Variants in AMOTL1 observed in about 807,000 individuals in gnomAD.
AMOTL1 encodes the protein angiomotin-like protein 1.
Under a neutral mutation model 102.9 loss-of-function variants are expected in AMOTL1, and 45 were observed. The ratio of observed to expected loss-of-function variants is 0.44; its 90% CI spans 0.34 to 0.56. The LOEUF (loss-of-function observed/expected upper bound fraction) is 0.56. Among genes scored for constraint, AMOTL1 ranks in the 20% least tolerant of loss-of-function variants. The pLI is 0.01. For missense variants in AMOTL1, 1,114 were observed against 1,225.6 expected (o/e 0.91, Z 1.36); for synonymous variants, 481 against 484.7 (o/e 0.99, Z 0.10).
intron 1 of AMOTL1, among the ~76,000 whole-genome samples, chr11:94,712,575 C>A (rs554451954): frequency 1.3e-5 from 2 of 152,078 alleles, no homozygotes; most frequent in South Asian, 4.1e-4. Context: ...AAAATAGTTT[C>A]AAATTATGCA....
intron 7 of AMOTL1, 109 bp downstream of exon 7, chr11:94,850,368 G>A (rs958247326): frequency 2.3e-5 from 31 of 1,360,764 alleles, no homozygotes; most frequent in Non-Finnish European, 2.8e-5. Flanking sequence ...ATTCCAAGGA[G>A]TTGAGACAGG....
Position 94,778,962 on chromosome 11 carries a change from A to G in AMOTL1, c.49+10402A>G, listed in dbSNP as rs551749827. The stretch of plus-strand genomic sequence containing the variant: ...TTCCCAGAAATTGGATGGAAACTGC[A>G]TTGCCTTTTATGATTTAATTTTGGA... On this transcript the variant is annotated intron_variant, in intron 1 of 12. Transcript: ENST00000433060. 1.9e-3 allele frequency among the ~76,000 whole-genome samples: 293 copies of G among 152,290 alleles called. 2 individuals are homozygous for G. The highest frequency in any genetic ancestry group is 6.5e-3 in the African/African-American group (272 of 41,544).
intron 2 of AMOTL1, 148 bp downstream of exon 2, chr11:94,795,308 C>A (rs144547859): frequency 0.01 from 11,274 of 1,094,718 alleles, 111 homozygotes; most frequent in Admixed American, 0.017. Flanking sequence ...TTCATAGATG[C>A]CTTATTTTTA....
intron 1 of AMOTL1, among the ~76,000 whole-genome samples, chr11:94,770,372 A>G (rs1231376005): frequency 2.0e-5 from 3 of 152,140 alleles, no homozygotes; most frequent in Non-Finnish European, 4.4e-5. Context: ...AATGAAGGAA[A>G]ACACCGATTC....
At chr11:94,759,314 A>G (rs1950764157) in intron 3 of AMOTL1, among the ~76,000 whole-genome samples, 1 of 152,196 alleles carries the variant, frequency 6.6e-6, no homozygotes, top group Admixed American at 6.5e-5. Flanking sequence ...TTAAAAATAT[A>G]CACATAGGTG....
At position 94,831,509 on chromosome 11, in the gene AMOTL1, A is replaced by G; in HGVS notation, c.1616A>G (p.Asp539Gly). Reference protein sequence around the residue: ...LSSREYEGHEDKAAEGHYASQ... With the variant: ...LSSREYEGHEGKAAEGHYASQ... ...AGCAGGGAATACGAAGGGCATGAAG[A>G]CAAAGCTGCAGAGGGGCATTATGCT... Residue 539 changes from aspartate (D) to glycine (G), a missense_variant, in exon 6 of 13, where the codon GAC becomes GGC. By Grantham distance (94) the Asp-to-Gly change is moderately conservative. Transcript: ENST00000433060. 6.2e-7 allele frequency: 1 copy of G among 1,613,992 alleles called. No individual in the cohort carries two copies. The highest frequency in any genetic ancestry group is 1.1e-5 in the South Asian group (1 of 91,076).
At position 94,869,557 on chromosome 11, in the gene AMOTL1, A is replaced by G. The variant is rs550792658; in HGVS notation, c.2764+84A>G. On this transcript the variant is annotated intron_variant, in intron 12 of 12. Coordinates refer to ENST00000433060, the MANE Select transcript of AMOTL1 (RefSeq NM_130847.3). ...GAATCTTTTGTTGAGCTAGAGAGGA[A>G]GCAGGGGCACCCATCAGCTCTTACT... The G allele has an allele frequency of 4.2e-6, 6 of 1,442,960 alleles. No individual in the cohort carries two copies. In the African/African-American group the frequency reaches 8.5e-5, roughly 20 times the overall value. The allele number at this position is 1,442,960 out of a possible 1,614,324, so 89.4% of individuals were successfully genotyped here.
intron 3 of AMOTL1, among the ~76,000 whole-genome samples, chr11:94,741,647 G>A (rs1950528949): frequency 6.6e-6 from 1 of 152,064 alleles, no homozygotes; most frequent in South Asian, 2.1e-4. Context: ...GTGAAGAGAA[G>A]GAAATGCGAA....
intron 5 of AMOTL1, among the ~76,000 whole-genome samples, chr11:94,831,200 A>G (rs748230572): frequency 6.6e-6 from 1 of 151,964 alleles, no homozygotes; most frequent in Non-Finnish European, 1.5e-5. Context: ...TTTTCTCAGC[A>G]CCTCTCCCTA....
upstream of AMOTL1, among the ~76,000 whole-genome samples, chr11:94,764,526 T>C (rs1950832249): frequency 6.6e-6 from 1 of 152,194 alleles, no homozygotes; most frequent in Non-Finnish European, 1.5e-5. Context: ...TCAACAGTCA[T>C]TAATGGAGAA....
chr11:94,792,682 G>C (rs1271889368), intron 1 of AMOTL1, among the ~76,000 whole-genome samples: 3 of 152,216 alleles, frequency 2.0e-5, no homozygotes, highest in Non-Finnish European at 4.4e-5. Context: ...GACCCTGGGT[G>C]TGTGTGAAGA....
At chr11:94,727,967 G>A (rs1027463750) in intron 1 of AMOTL1, among the ~76,000 whole-genome samples, 4 of 152,182 alleles carry the variant, frequency 2.6e-5, no homozygotes, top group Admixed American at 6.5e-5. Flanking sequence ...GCAGGAACCC[G>A]CAGGGCAACT....
chr11:94,746,039 A>G lies in AMOTL1; in HGVS notation c.136+5051A>G, dbSNP rs146381142. On this transcript the variant is annotated intron_variant, in intron 3 of 4. Coordinates refer to the AMOTL1 transcript ENST00000299004. ...TGATTGATAGTCCATTCCACCTTTG[A>G]ATTTTTATATCAGTCTGCAAATGAA... is the stretch of plus-strand genomic sequence containing the variant. Among the ~76,000 whole-genome samples, 581 of 151,668 alleles carry G rather than the reference A, an allele frequency of 3.8e-3. 9 individuals are homozygous for G. The highest frequency in any genetic ancestry group is 0.013 in the African/African-American group (558 of 41,426).
rs1269076498 is a variant in AMOTL1, at chr11:94,799,122, G to A, written c.200-268G>A. Among the ~76,000 whole-genome samples the A allele has an allele frequency of 6.6e-6, 1 of 152,060 alleles. No homozygotes were observed. Among genetic ancestry groups the A allele is most frequent in the Non-Finnish European group, 1.5e-5 (1 of 68,004 alleles). Reference sequence around the variant, plus strand: ...TTTATGTGATGAAGAGAAAGGACCGGTGGGGAGATTAGAGAAAAGGGAGGG... The same window carrying A: ...TTTATGTGATGAAGAGAAAGGACCGATGGGGAGATTAGAGAAAAGGGAGGG... On this transcript the variant is annotated intron_variant, in intron 2 of 12. Coordinates refer to ENST00000433060, the MANE Select transcript of AMOTL1 (RefSeq NM_130847.3). This position sits in a 1 kb window ranked among gnomAD's most constrained non-coding sequence, Gnocchi z 4.5.
chr11:94,802,380 G>A (rs938070178), intron 3 of AMOTL1, among the ~76,000 whole-genome samples: 1 of 152,122 alleles, frequency 6.6e-6, no homozygotes, highest in Non-Finnish European at 1.5e-5. Context: ...CTTGATAGAG[G>A]GGAAGCTATC....
chr11:94,841,412 A>G (rs1952299838), intron 6 of AMOTL1, among the ~76,000 whole-genome samples: 1 of 152,166 alleles, frequency 6.6e-6, no homozygotes, highest in African/African-American at 2.4e-5. Flanking sequence ...AGATGGCACC[A>G]CTGCACTCCA....
At chr11:94,734,018 G>C (rs1950397293) in intron 2 of AMOTL1, among the ~76,000 whole-genome samples, 2 of 152,076 alleles carry the variant, frequency 1.3e-5, no homozygotes, top group African/African-American at 2.4e-5. Flanking sequence ...TGCAGGAATG[G>C]GACAAATTTA....
At chr11:94,757,696 T>C (rs796971386) in intron 3 of AMOTL1, among the ~76,000 whole-genome samples, 52 of 152,164 alleles carry the variant, frequency 3.4e-4, no homozygotes, top group African/African-American at 1.2e-3. Flanking sequence ...GGCCTCAGAG[T>C]GCTTTCCAGT....
At chr11:94,804,623 A>G (rs893185531) in intron 3 of AMOTL1, among the ~76,000 whole-genome samples, 2 of 152,200 alleles carry the variant, frequency 1.3e-5, no homozygotes, top group East Asian at 1.9e-4. Flanking sequence ...TGAATTTGTT[A>G]TAACTGGCTA....
Sources: allele counts gnomAD v4.1 joint callset (sites outside exome capture counted in the v4.1 genomes callset), GRCh38; gene constraint gnomAD v4.1.1; non-coding constraint Gnocchi (gnomAD v3.1); transcripts MANE v1.5; gene names NCBI Gene and HGNC (gene_info 2026-07-23, HGNC 2026-07-21).